CNTNAP2: variants seen among roughly 807,000 people sequenced by gnomAD.
CNTNAP2 encodes contactin associated protein 2, also known as contactin-associated protein-like 2.
Under a neutral mutation model 155.2 loss-of-function variants are expected in CNTNAP2, and 98 were observed. The observed-to-expected ratio is 0.63, with a 90% CI of 0.54 to 0.75. CNTNAP2 has a LOEUF of 0.75. Among genes scored for constraint, CNTNAP2 ranks in the 30% least tolerant of loss-of-function variants. CNTNAP2 has a pLI of 0.00. For missense variants in CNTNAP2, 1,727 were observed against 1,688.1 expected, an observed-to-expected ratio of 1.02 and a Z score of -0.40; for synonymous variants, 651 against 631.2, an observed-to-expected ratio of 1.03 and a Z score of -0.47.
At chr7:146,690,966 T>C (rs1465133160) in intron 1 of CNTNAP2, among the ~76,000 whole-genome samples, 1 of 152,122 alleles carries the variant, frequency 6.6e-6, no homozygotes, top group Non-Finnish European at 1.5e-5. Context: ...CAGTCACACC[T>C]TTACTATTCT....
At chr7:148,157,982 ATTC>A (rs1805436738) in intron 17 of CNTNAP2, among the ~76,000 whole-genome samples, 1 of 152,062 alleles carries the variant, frequency 6.6e-6, no homozygotes, top group Non-Finnish European at 1.5e-5. Context: ...CCAGCCCTCT[ATTC>A]TTTTCTGAAC....
chr7:146,264,838 A>G (rs1281951695), intron 1 of CNTNAP2, among the ~76,000 whole-genome samples: 1 of 152,214 alleles, frequency 6.6e-6, no homozygotes, highest in Non-Finnish European at 1.5e-5. Context: ...ATCGCAGCCT[A>G]TGATGCTCCA....
Position 147,754,975 on chromosome 7 carries a change from G to A in CNTNAP2, c.2098+115669G>A, listed in dbSNP as rs931668383. Among the ~76,000 whole-genome samples the A allele has an allele frequency of 1.6e-4, 25 of 152,202 alleles. No individual in the cohort carries two copies. In the East Asian group the frequency reaches 2.7e-3, roughly 16 times the overall value. On this transcript the variant is annotated intron_variant, in intron 13 of 23. Coordinates refer to ENST00000361727, the MANE Select transcript of CNTNAP2 (RefSeq NM_014141.6). ...AAACACAGAGAGACAGACAATAGAA[G>A]GTAATAAATTAACGTCAATTGCCAT...
At chr7:148,104,428 A>G (rs1804167417) in intron 15 of CNTNAP2, among the ~76,000 whole-genome samples, 2 of 152,112 alleles carry the variant, frequency 1.3e-5, no homozygotes, top group East Asian at 1.9e-4. Flanking sequence ...CTGTTTTTCT[A>G]TGGATGTGAG....
At chr7:147,734,537 A>C (rs1796803944) in intron 13 of CNTNAP2, among the ~76,000 whole-genome samples, 1 of 152,150 alleles carries the variant, frequency 6.6e-6, no homozygotes, top group Non-Finnish European at 1.5e-5. Flanking sequence ...TCATAAAATG[A>C]GTTAGGGAGG....
At chr7:146,310,304 ATTAT>A (rs1800796944) in intron 1 of CNTNAP2, among the ~76,000 whole-genome samples, 1 of 152,178 alleles carries the variant, frequency 6.6e-6, no homozygotes, top group African/African-American at 2.4e-5. Flanking sequence ...CACAGAAGCT[ATTAT>A]TTATGTTGAT....
chr7:146,354,093 T>G (rs1794961897), intron 1 of CNTNAP2, among the ~76,000 whole-genome samples: 1 of 152,190 alleles, frequency 6.6e-6, no homozygotes, highest in South Asian at 2.1e-4. Context: ...CCTCCAGAAC[T>G]CTGTGCTCCA....
intron 12 of CNTNAP2, among the ~76,000 whole-genome samples, chr7:147,601,644 AATATATAT>A (rs1160603745): frequency 2.3e-5 from 2 of 87,468 alleles, no homozygotes; most frequent in African/African-American, 8.6e-5. Context: ...CTTAAAAAAA[AATATATAT>A]ATATATATAT....
intron 16 of CNTNAP2, among the ~76,000 whole-genome samples, chr7:148,147,112 T>G (rs984031032): frequency 1.3e-5 from 2 of 152,180 alleles, no homozygotes; most frequent in Non-Finnish European, 2.9e-5. Context: ...TATCAGGCTC[T>G]GAAATCTGAC....
rs141361838 is a variant in CNTNAP2, at chr7:146,406,299, T to C, written c.97+289326T>C. Among the ~76,000 whole-genome samples the C allele has an allele frequency of 1.9e-3, 287 of 152,352 alleles. 4 individuals are homozygous for C. Among genetic ancestry groups the C allele is most frequent in the Admixed American group, 0.015 (237 of 15,300 alleles). ...AAATCAGAATCCACAAATTCTATTTTTTAACAAAATGTTGTATTGCATCGT... is the reference window on the plus strand; with the variant it reads ...AAATCAGAATCCACAAATTCTATTTCTTAACAAAATGTTGTATTGCATCGT... On this transcript the variant is annotated intron_variant, in intron 1 of 23. Coordinates refer to ENST00000361727, the MANE Select transcript of CNTNAP2 (RefSeq NM_014141.6).
chr7:146,642,457 T>C (rs1799728289), intron 1 of CNTNAP2, among the ~76,000 whole-genome samples: 1 of 151,760 alleles, frequency 6.6e-6, no homozygotes, highest in African/African-American at 2.4e-5. Context: ...TGATTTCCAA[T>C]TTCATCCATG....
At chr7:146,605,312 A>G (rs1190532864) in intron 1 of CNTNAP2, among the ~76,000 whole-genome samples, 1 of 151,166 alleles carries the variant, frequency 6.6e-6, no homozygotes, top group Non-Finnish European at 1.5e-5. Context: ...TGATATTATT[A>G]TCATCATTGT....
At chr7:147,167,047 T>C (rs1014076027) in intron 8 of CNTNAP2, among the ~76,000 whole-genome samples, 1 of 152,146 alleles carries the variant, frequency 6.6e-6, no homozygotes, top group African/African-American at 2.4e-5. Flanking sequence ...TAATCTCTTT[T>C]CCTCTGAACA....
chr7:148,009,701 T>C (rs1232782664), intron 15 of CNTNAP2, among the ~76,000 whole-genome samples: 1 of 152,112 alleles, frequency 6.6e-6, no homozygotes, highest in Non-Finnish European at 1.5e-5. Context: ...CATCATATAA[T>C]ATTTATCCTT....
chr7:147,925,192 A>AAGG (rs1349067470), intron 14 of CNTNAP2, among the ~76,000 whole-genome samples: 1 of 150,660 alleles, frequency 6.6e-6, no homozygotes, highest in African/African-American at 2.4e-5. Context: ...GGAAGGAAGG[A>AAGG]AGGAAGGAAG....
chr7:147,881,256 C>T (rs1799515914), intron 13 of CNTNAP2, among the ~76,000 whole-genome samples: 2 of 152,114 alleles, frequency 1.3e-5, no homozygotes, highest in African/African-American at 4.8e-5. Context: ...GTAGCACCAC[C>T]AAATGCAGAA....
intron 11 of CNTNAP2, among the ~76,000 whole-genome samples, chr7:147,536,107 CT>C (rs1422971038): frequency 1.3e-5 from 2 of 152,186 alleles, no homozygotes; most frequent in Non-Finnish European, 2.9e-5. Flanking sequence ...CCCAAGACAA[CT>C]TTTAAAATTA....
chr7:147,868,253 CT>C (rs1799267130), intron 13 of CNTNAP2, among the ~76,000 whole-genome samples: 1 of 152,162 alleles, frequency 6.6e-6, no homozygotes, highest in Non-Finnish European at 1.5e-5. Context: ...ACTCCAGACC[CT>C]GTTTTCTTGG....
chr7:146,700,098 A>G (rs1463364729), intron 1 of CNTNAP2, among the ~76,000 whole-genome samples: 14 of 152,206 alleles, frequency 9.2e-5, no homozygotes, highest in Admixed American at 9.2e-4. Flanking sequence ...TCTTGGATGT[A>G]AAATGAATAA....
Sources: allele counts gnomAD v4.1 joint callset (sites outside exome capture counted in the v4.1 genomes callset), GRCh38; gene constraint gnomAD v4.1.1; transcripts MANE v1.5; gene names NCBI Gene and HGNC (gene_info 2026-07-23, HGNC 2026-07-21).